Variants in MTUS2 observed in about 807,000 individuals in gnomAD.
MTUS2 encodes the protein microtubule associated scaffold protein 2, also known as microtubule-associated tumor suppressor candidate 2.
MTUS2 carries 40 observed loss-of-function variants against 114.1 expected under a neutral mutation model. The observed-to-expected ratio is 0.35, with a 90% CI of 0.27 to 0.46. The LOEUF (loss-of-function observed/expected upper bound fraction) is 0.46. Among genes scored for constraint, MTUS2 ranks in the 20% least tolerant of loss-of-function variants. The pLI is 1.00. For missense variants in MTUS2, 1,679 were observed against 1,705.4 expected (o/e 0.98, Z 0.27); for synonymous variants, 688 against 672.0 (o/e 1.02, Z -0.37).
intron 7 of MTUS2, among the ~76,000 whole-genome samples, chr13:29,346,667 C>T (rs1440850285): frequency 1.5e-5 from 2 of 137,204 alleles, no homozygotes; most frequent in Non-Finnish European, 3.0e-5. Flanking sequence ...ACTCCCAGAT[C>T]ACCTCCTCTC....
chr13:29,293,944 T>C (rs1898827163), intron 6 of MTUS2, among the ~76,000 whole-genome samples: 1 of 152,096 alleles, frequency 6.6e-6, no homozygotes. Flanking sequence ...CCATTATCAG[T>C]GTGGTGTTCA....
At chr13:29,477,216 CTT>C (rs761629876) in intron 9 of MTUS2, among the ~76,000 whole-genome samples, 24 of 152,164 alleles carry the variant, frequency 1.6e-4, no homozygotes, top group Non-Finnish European at 2.9e-4. Flanking sequence ...ATTAATTTGA[CTT>C]TGTGTCAATC....
intron 10 of MTUS2, among the ~76,000 whole-genome samples, chr13:29,481,732 C>T (rs1346333098): frequency 6.7e-6 from 1 of 148,280 alleles, no homozygotes; most frequent in South Asian, 2.3e-4. Context: ...GTAATAAAAA[C>T]CTCTCTTACT....
intron 4 of MTUS2, among the ~76,000 whole-genome samples, chr13:29,069,715 G>A (rs1888824711): frequency 1.3e-5 from 2 of 152,186 alleles, no homozygotes; most frequent in African/African-American, 4.8e-5. Flanking sequence ...CAACTCTACT[G>A]GCAAAAATCC....
intron 5 of MTUS2, among the ~76,000 whole-genome samples, chr13:29,193,871 G>A (rs1396399939): frequency 6.6e-6 from 1 of 152,148 alleles, no homozygotes; most frequent in East Asian, 1.9e-4. Flanking sequence ...AACCAAAACA[G>A]CATGGTACTG....
chr13:28,904,562 A>T (rs1387887156), intron 2 of MTUS2, among the ~76,000 whole-genome samples: 5 of 151,990 alleles, frequency 3.3e-5, no homozygotes, highest in African/African-American at 1.2e-4. Flanking sequence ...TCAGATGGTT[A>T]TAGATATGCA....
At chr13:28,873,818 T>C (rs886098493) in intron 2 of MTUS2, among the ~76,000 whole-genome samples, 5 of 152,218 alleles carry the variant, frequency 3.3e-5, no homozygotes, top group African/African-American at 1.2e-4. Flanking sequence ...AATTAAAGAA[T>C]TACAAAGAGG....
intron 8 of MTUS2, among the ~76,000 whole-genome samples, chr13:29,375,569 ATATAC>A (rs1566163408): frequency 0.017 from 121 of 7,044 alleles, 1 homozygote; most frequent in South Asian, 0.053. Flanking sequence ...GTATATATAT[ATATAC>A]ATATATATAT....
intron 2 of MTUS2, among the ~76,000 whole-genome samples, chr13:28,948,249 C>T (rs1463852277): frequency 6.6e-6 from 1 of 152,092 alleles, no homozygotes; most frequent in Non-Finnish European, 1.5e-5. Context: ...TTCCTCCAAG[C>T]AAATAATGTT....
chr13:29,133,136 T>C (rs1213977621), intron 5 of MTUS2, among the ~76,000 whole-genome samples: 1 of 152,162 alleles, frequency 6.6e-6, no homozygotes, highest in Non-Finnish European at 1.5e-5. Flanking sequence ...CATGTTTTCA[T>C]ATGATTATTG....
At chr13:29,481,921 C>T (rs749956236) in intron 10 of MTUS2, among the ~76,000 whole-genome samples, 4 of 152,120 alleles carry the variant, frequency 2.6e-5, no homozygotes, top group Non-Finnish European at 5.9e-5. Context: ...CCCCCGGTGT[C>T]GTGCCTCCCA....
chr13:29,307,174 A>T, intron 6 of MTUS2: 2 of 506,250 alleles, frequency 4.0e-6, no homozygotes, highest in South Asian at 1.7e-5. Flanking sequence ...GATGTTCGTG[A>T]TGGGCGTGAC....
intron 6 of MTUS2, among the ~76,000 whole-genome samples, chr13:29,291,717 G>A (rs527905727): frequency 1.3e-5 from 2 of 152,290 alleles, no homozygotes; most frequent in African/African-American, 4.8e-5. Flanking sequence ...AGGAGACTAA[G>A]ATCCATGAGG....
intron 9 of MTUS2, among the ~76,000 whole-genome samples, chr13:29,465,400 A>G (rs558805862): frequency 6.6e-6 from 1 of 152,298 alleles, no homozygotes; most frequent in South Asian, 2.1e-4. Context: ...AGTGCATTGG[A>G]CACGAAAGCC....
At chr13:28,912,089 C>T (rs1481901337) in intron 2 of MTUS2, among the ~76,000 whole-genome samples, 1 of 151,922 alleles carries the variant, frequency 6.6e-6, no homozygotes, top group African/African-American at 2.4e-5. Flanking sequence ...TGCCTGTGTC[C>T]TCAATGGTAT....
In MTUS2 at chr13:29,097,502, A is replaced by G. The variant is rs117007115; in HGVS notation, c.2447-3271A>G. ...AACATTTGTATTTCTGTCAAAGTCT[A>G]TATTCTTGAATAGTCCAAGAACACT... On this transcript the variant is annotated intron_variant, in intron 4 of 15. Coordinates refer to ENST00000612955, the MANE Select transcript of MTUS2 (RefSeq NM_001033602.4). Among the ~76,000 whole-genome samples, 665 of 152,312 alleles carry G rather than the reference A, an allele frequency of 4.4e-3. 1 individual carries two copies. The highest frequency in any genetic ancestry group is 7.3e-3 in the Non-Finnish European group (494 of 68,024).
At chr13:29,099,517 C>T (rs1890320884) in intron 4 of MTUS2, among the ~76,000 whole-genome samples, 1 of 152,158 alleles carries the variant, frequency 6.6e-6, no homozygotes, top group Non-Finnish European at 1.5e-5. Flanking sequence ...TCTCTTATTC[C>T]CACACATAGA....
intron 7 of MTUS2, among the ~76,000 whole-genome samples, chr13:29,351,463 C>G (rs148863928): frequency 1.6e-3 from 240 of 152,298 alleles, no homozygotes; most frequent in African/African-American, 5.3e-3. Flanking sequence ...TCTTTCTCCC[C>G]CTCTGGACAT....
chr13:29,129,901 A>G (rs1035509642), intron 5 of MTUS2, among the ~76,000 whole-genome samples: 1 of 152,132 alleles, frequency 6.6e-6, no homozygotes, highest in Non-Finnish European at 1.5e-5. Flanking sequence ...AGGTCAGAAC[A>G]TTGAGGATTA....
Sources: gnomAD v4.1 joint callset for allele counts (sites outside exome capture counted in the v4.1 genomes callset) on GRCh38, gnomAD v4.1.1 for gene constraint, MANE v1.5 for transcripts, NCBI Gene and HGNC (gene_info 2026-07-23, HGNC 2026-07-21) for gene names.